Variants in ADORA2A observed in about 807,000 individuals in gnomAD.
ADORA2A encodes adenosine A2a receptor.
In ADORA2A, 11 loss-of-function variants were observed where a neutral mutation model predicts 18.4. That is an observed-to-expected ratio of 0.60 (90% CI 0.38 to 0.99). The LOEUF (loss-of-function observed/expected upper bound fraction) is 0.99, where lower values mean the gene tolerates loss of function less well. Ranked by LOEUF, ADORA2A falls within the 50% of genes least tolerant of loss-of-function variation. ADORA2A has a pLI of 0.01. For missense variants in ADORA2A, 449 were observed against 556.1 expected (o/e 0.81, Z 1.94); for synonymous variants, 218 against 237.3 (o/e 0.92, Z 0.75).
chr22:24,427,004 T>C (rs948117083), upstream of ADORA2A, among the ~76,000 whole-genome samples: 1 of 152,172 alleles, frequency 6.6e-6, no homozygotes, highest in Non-Finnish European at 1.5e-5. Context: ...TCCTCGGATG[T>C]GCCGCTGCAG....
chr22:24,436,786 TGCA>T (rs921736951), intron 2 of ADORA2A, among the ~76,000 whole-genome samples: 1 of 152,072 alleles, frequency 6.6e-6, no homozygotes, highest in African/African-American at 2.4e-5. Flanking sequence ...CAGTGGGTCT[TGCA>T]GGACGGGCAG....
Position 24,433,622 on chromosome 22 carries a change from C to A in ADORA2A, c.218C>A (p.Ala73Asp). The change falls in exon 2 of 3, where the codon GCC becomes GAC. Residue 73 changes from alanine (A) to aspartate (D), a missense_variant. Ala to Asp is a moderately radical substitution (Grantham distance 126, BLOSUM62 -2). Coordinates refer to ENST00000337539, the MANE Select transcript of ADORA2A (RefSeq NM_000675.6). ...AITISTGFCA[A>D]CHGCLFIACF... is the part of the protein sequence containing the mutation. ...ACCATCAGCACCGGGTTCTGCGCTG[C>A]CTGCCACGGCTGCCTCTTCATTGCC... The A allele has an allele frequency of 6.2e-7, 1 of 1,613,908 alleles. No individual in the cohort carries two copies. Among genetic ancestry groups the A allele is most frequent in the Non-Finnish European group, 8.5e-7 (1 of 1,180,038 alleles).
chr22:24,431,695 G>A (rs947961499), intron 1 of ADORA2A: 8 of 355,626 alleles, frequency 2.2e-5, no homozygotes, highest in Admixed American at 3.8e-5. Flanking sequence ...GATTGGAGGG[G>A]GTAGATTTGG....
At chr22:24,428,242 GGCCCACAACCTGCCGT>G (rs1347000107) in intron 1 of ADORA2A, among the ~76,000 whole-genome samples, 1 of 152,214 alleles carries the variant, frequency 6.6e-6, no homozygotes, top group Admixed American at 6.5e-5. Context: ...GTCATAGTGG[GGCCCACAACCTGCCGT>G]GCCCTGCCGA....
chr22:24,428,600 T>C (rs1446550353), intron 1 of ADORA2A, among the ~76,000 whole-genome samples: 1 of 152,250 alleles, frequency 6.6e-6, no homozygotes, highest in Admixed American at 6.5e-5. Context: ...GTCTCTGAAA[T>C]CATTATTAGA....
In ADORA2A at chr22:24,437,201, C is replaced by T. The variant is rs142733297; in HGVS notation, c.333-3382C>T. On this transcript the variant is annotated intron_variant, in intron 2 of 2. Coordinates refer to ENST00000337539, the MANE Select transcript of ADORA2A (RefSeq NM_000675.6). ...CCCCAGAAAGGGGCAGCCTGCAAGCCGGGGGACACAGAGCTGCAGAGGGCA... is the reference window on the plus strand; with the variant it reads ...CCCCAGAAAGGGGCAGCCTGCAAGCTGGGGGACACAGAGCTGCAGAGGGCA... Among the ~76,000 whole-genome samples, 407 of 152,298 alleles carry T rather than the reference C, an allele frequency of 2.7e-3. 1 individual carries two copies. The highest frequency in any genetic ancestry group is 9.4e-3 in the African/African-American group (391 of 41,564).
upstream of ADORA2A, among the ~76,000 whole-genome samples, chr22:24,426,914 C>T (rs762747965): frequency 1.1e-4 from 16 of 152,186 alleles, no homozygotes; most frequent in Non-Finnish European, 2.1e-4. Context: ...ATTCTCTCAC[C>T]ACCCCCCGCC....
chr22:24,428,350 G>C (rs1351321553), intron 1 of ADORA2A, among the ~76,000 whole-genome samples: 1 of 152,230 alleles, frequency 6.6e-6, no homozygotes, highest in Non-Finnish European at 1.5e-5. Context: ...TCTCTTCATG[G>C]CGTTTCTGGG....
chr22:24,441,353 G>C lies in ADORA2A; in HGVS notation c.1103G>C (p.Gly368Ala), dbSNP rs770090790. 9 of 1,591,222 alleles carry C rather than the reference G, an allele frequency of 5.7e-6. No individual in the cohort carries two copies. The highest frequency in any genetic ancestry group is 3.4e-4 in the Middle Eastern group (2 of 5,944). Residue 368 changes from glycine (G) to alanine (A), a missense_variant, in exon 3 of 3, where the codon GGA (glycine) becomes GCA (alanine). Coordinates refer to ENST00000337539, the MANE Select transcript of ADORA2A (RefSeq NM_000675.6). ...PNGYALGLVSGGSAQESQGNT... is the reference protein window; with the variant it reads ...PNGYALGLVSAGSAQESQGNT... ...GGCTATGCCCTGGGGCTGGTGAGTG[G>C]AGGGAGTGCCCAAGAGTCCCAGGGG... is the stretch of plus-strand genomic sequence containing the variant.
In ADORA2A at chr22:24,441,576, A is replaced by T. The variant is rs979415154; in HGVS notation, c.*87A>T. 1.0e-5 allele frequency: 14 copies of T among 1,336,908 alleles called. No homozygotes were observed. Among genetic ancestry groups the T allele is most frequent in the African/African-American group, 5.9e-5 (4 of 68,296 alleles). 82.8% of individuals were successfully genotyped at this position (1,336,908 alleles called of 1,614,324 possible). ...CCAGTCACGTTGGGAGAAGAGAGAGAGTGCCAGGAGACCCTGAGGGCAGCC... is the reference window on the plus strand; with the variant it reads ...CCAGTCACGTTGGGAGAAGAGAGAGTGTGCCAGGAGACCCTGAGGGCAGCC... On this transcript the variant is annotated 3_prime_UTR_variant, in exon 3 of 3. Coordinates refer to ENST00000337539, the MANE Select transcript of ADORA2A (RefSeq NM_000675.6).
At position 24,440,894 on chromosome 22, in the gene ADORA2A, C is replaced by T. The variant is rs753620615; in HGVS notation, c.644C>T (p.Pro215Leu). The T allele has an allele frequency of 4.3e-6, 7 of 1,614,076 alleles. No homozygotes were observed. The African/African-American group carries it at 9.3e-5, about 22-fold the overall frequency. ...CAGCTGAAGCAGATGGAGAGCCAGCCTCTGCCGGGGGAGCGGGCACGGTCC... is the reference window on the plus strand; with the variant it reads ...CAGCTGAAGCAGATGGAGAGCCAGCTTCTGCCGGGGGAGCGGGCACGGTCC... ...RRQLKQMESQ[P>L]LPGERARSTL... The change falls in exon 3 of 3, where the codon CCT becomes CTT. Residue 215 changes from proline to leucine, a missense_variant. Pro to Leu is a moderately conservative substitution (Grantham distance 98). Coordinates refer to ENST00000337539, the MANE Select transcript of ADORA2A (RefSeq NM_000675.6).
chr22:24,437,432 G>A (rs2043207964), intron 2 of ADORA2A, among the ~76,000 whole-genome samples: 3 of 152,212 alleles, frequency 2.0e-5, no homozygotes, highest in Non-Finnish European at 4.4e-5. Flanking sequence ...AGGCTCAGCT[G>A]TGATTCCATT....
Position 24,441,000 on chromosome 22 carries a change from C to T in ADORA2A, c.750C>T (p.His250=). The T allele has an allele frequency of 1.2e-6, 2 of 1,614,222 alleles. No homozygotes were observed. The highest frequency in any genetic ancestry group is 8.5e-7 in the Non-Finnish European group (1 of 1,180,038). The change falls in exon 3 of 3, where the codon CAC becomes CAT. Residue 250 remains histidine (H), a synonymous_variant. Transcript: ENST00000337539. The part of the protein sequence containing the change: ...GLFALCWLPL[H]IINCFTFFCP... ...TTGCCCTCTGCTGGCTGCCCCTACACATCATCAACTGCTTCACTTTCTTCT... is the reference window on the plus strand; with the variant it reads ...TTGCCCTCTGCTGGCTGCCCCTACATATCATCAACTGCTTCACTTTCTTCT...
Position 24,440,646 on chromosome 22 carries a change from G to A in ADORA2A, c.396G>A (p.Ser132=), listed in dbSNP as rs201432461. 3.3e-5 allele frequency: 53 copies of A among 1,606,408 alleles called. No homozygotes were observed. Among genetic ancestry groups the A allele is most frequent in the Admixed American group, 1.2e-4 (7 of 59,752 alleles). ...TCATTGCCATCTGCTGGGTGCTGTC[G>A]TTTGCCATCGGCCTGACTCCCATGC... The part of the protein sequence containing the change: ...KGIIAICWVL[S]FAIGLTPMLG... The change falls in exon 3 of 3, where the codon TCG becomes TCA. Residue 132 remains serine (S), a synonymous_variant. Coordinates refer to ENST00000337539, the MANE Select transcript of ADORA2A (RefSeq NM_000675.6).
chr22:24,425,343 C>CG (rs1392586266), upstream of ADORA2A, among the ~76,000 whole-genome samples: 1 of 127,598 alleles, frequency 7.8e-6, no homozygotes, highest in Non-Finnish European at 1.7e-5. Context: ...CAGCACCCCC[C>CG]CCCCCCCCGC....
chr22:24,438,095 G>A (rs1351226375), intron 2 of ADORA2A, among the ~76,000 whole-genome samples: 9 of 152,258 alleles, frequency 5.9e-5, no homozygotes, highest in Non-Finnish European at 8.8e-5. Context: ...ACTATTGCCT[G>A]AGGCAGGCCA....
chr22:24,441,483 G>T lies in ADORA2A; in HGVS notation c.1233G>T (p.Val411=). 6.6e-7 allele frequency: 1 copy of T among 1,507,606 alleles called. No individual in the cohort carries two copies. The highest frequency in any genetic ancestry group is 1.4e-5 in the South Asian group (1 of 73,678). 93.4% of individuals were successfully genotyped at this position (1,507,606 alleles called of 1,614,324 possible). ...CCCTGGCCCAGGATGGAGCAGGAGT[G>T]TCCTGATGATTCATGGAGTTTGCCC... ...DDPLAQDGAG[V]S The change falls in exon 3 of 3, where the codon GTG becomes GTT. Residue 411 remains valine, a synonymous_variant. Transcript: ENST00000337539.
At chr22:24,434,034 G>T (rs1342133184) in intron 2 of ADORA2A, among the ~76,000 whole-genome samples, 2 of 152,242 alleles carry the variant, frequency 1.3e-5, no homozygotes, top group African/African-American at 4.8e-5. Context: ...TGTGGCCAGG[G>T]TCTGGCATTG....
upstream of ADORA2A, among the ~76,000 whole-genome samples, chr22:24,425,068 T>G (rs2042902403): frequency 6.6e-6 from 1 of 152,102 alleles, no homozygotes; most frequent in Non-Finnish European, 1.5e-5. Context: ...ACACAGGGCC[T>G]TCTCCCCTAT....
Sources: gnomAD v4.1 joint callset for allele counts (sites outside exome capture counted in the v4.1 genomes callset) on GRCh38, gnomAD v4.1.1 for gene constraint, MANE v1.5 for transcripts, NCBI Gene and HGNC (gene_info 2026-07-23, HGNC 2026-07-21) for gene names.